The following C1orf185 variants were observed in gnomAD, a reference collection of about 807,000 sequenced individuals.
C1orf185 encodes uncharacterized protein C1orf185.
In C1orf185, 13 loss-of-function variants were observed where a neutral mutation model predicts 16.1. The ratio of observed to expected loss-of-function variants is 0.81; its 90% CI spans 0.53 to 1.28. The LOEUF (loss-of-function observed/expected upper bound fraction) is 1.28, where lower values mean the gene tolerates loss of function less well. C1orf185 is among the 50% of genes most tolerant of loss of function. The pLI, the probability that C1orf185 is intolerant of heterozygous loss-of-function variation, is 0.00. For synonymous variants in C1orf185, 80 were observed against 76.9 expected (o/e 1.04, Z -0.21); for missense variants, 220 against 225.2 (o/e 0.98, Z 0.15).
intron 2 of C1orf185, among the ~76,000 whole-genome samples, chr1:51,117,723 C>T (rs1029871652): frequency 5.3e-5 from 8 of 152,070 alleles, no homozygotes; most frequent in African/African-American, 1.9e-4. Context: ...GAAAAATATT[C>T]CATTGTTCTT....
intron 4 of C1orf185, among the ~76,000 whole-genome samples, chr1:51,146,539 G>A (rs958401299): frequency 4.0e-5 from 6 of 151,558 alleles, no homozygotes. Flanking sequence ...TATGTAAAAT[G>A]TTATAAAAGG....
At chr1:51,112,246 G>A (rs1393131813) in intron 1 of C1orf185, among the ~76,000 whole-genome samples, 1 of 152,084 alleles carries the variant, frequency 6.6e-6, no homozygotes, top group Admixed American at 6.5e-5. Context: ...TCAAAGAAAT[G>A]TGCCCTGGGC....
rs779711589 is a variant in C1orf185 at position 51,109,494 on chromosome 1, A to G, written c.17-2970A>G. Among the ~76,000 whole-genome samples the G allele has an allele frequency of 1.1e-4, 15 of 139,450 alleles. No homozygotes were observed. In the Admixed American group the frequency reaches 1.2e-3, roughly 11 times the overall value. 91.5% of individuals were successfully genotyped at this position (139,450 alleles called of 152,430 possible). A position where few individuals can be genotyped will look rare whatever the true frequency, so the allele number is the denominator to read the frequency against. ...ATTCATAAAATCTTTTCTCAAACCA[A>G]TGTCCTGAAGCATTTCCCCTATTTT... On this transcript the variant is annotated intron_variant, in intron 1 of 4. Coordinates refer to ENST00000371759, the MANE Select transcript of C1orf185 (RefSeq NM_001136508.2).
downstream of C1orf185, among the ~76,000 whole-genome samples, chr1:51,149,493 T>A (rs1646419964): frequency 6.6e-6 from 1 of 152,190 alleles, no homozygotes; most frequent in Non-Finnish European, 1.5e-5. Flanking sequence ...TAAGGAGCAG[T>A]AAAAACAAAA....
Position 51,147,702 on chromosome 1 carries a change from AG to A in C1orf185, c.532del (p.Val178TyrfsTer10). 10 of 1,551,442 alleles carry A rather than the reference AG, an allele frequency of 6.4e-6. No homozygotes were observed. The highest frequency in any genetic ancestry group is 8.7e-6 in the Non-Finnish European group (10 of 1,146,856). On this transcript the variant is annotated frameshift_variant, in exon 5 of 5. Coordinates refer to ENST00000371759, the MANE Select transcript of C1orf185 (RefSeq NM_001136508.2). LOFTEE classifies it high-confidence loss of function. Reference sequence around the variant, plus strand: ...CTCTCGGGGAACCTCTAATGGAAAAAGTATTTTCATACCTGTCAACCATTTC... The same window carrying A: ...CTCTCGGGGAACCTCTAATGGAAAAATATTTTCATACCTGTCAACCATTTC... ...PSLGEPLMEK[V>X]FSYLSTISLE... is the part of the protein sequence containing the mutation.
chr1:51,126,202 A>G (rs1332637537), intron 3 of C1orf185, among the ~76,000 whole-genome samples: 1 of 152,212 alleles, frequency 6.6e-6, no homozygotes, highest in Admixed American at 6.5e-5. Context: ...GTATTTTGTT[A>G]CAATTGCTAC....
chr1:51,128,315 A>G (rs1026312991), intron 3 of C1orf185, among the ~76,000 whole-genome samples: 2 of 152,208 alleles, frequency 1.3e-5, no homozygotes, highest in African/African-American at 2.4e-5. Context: ...TTTCACTCCC[A>G]CCAGCAATAA....
chr1:51,138,523 G>A (rs891558519), intron 3 of C1orf185, among the ~76,000 whole-genome samples: 6 of 151,906 alleles, frequency 3.9e-5, no homozygotes, highest in Non-Finnish European at 7.4e-5. Flanking sequence ...CTCCTGAGTA[G>A]CTGGGACTAC....
At chr1:51,151,932 A>G, downstream of C1orf185, among the ~76,000 whole-genome samples, 1 of 152,032 alleles carries the variant, frequency 6.6e-6, no homozygotes, top group South Asian at 2.1e-4. Context: ...CTCATGATCC[A>G]AACACCTCAG....
Position 51,145,741 on chromosome 1 carries a change from G to C in C1orf185, c.276G>C (p.Lys92Asn), listed in dbSNP as rs1281532452. Residue 92 changes from lysine to asparagine, a missense_variant, in exon 4 of 5, where the codon AAG becomes AAC. By Grantham distance (94) the Lys-to-Asn change is moderately conservative (BLOSUM62 0). Transcript: ENST00000371759. ...RFQLQEEQRKKEAAHIKAIKD... is the reference protein window; with the variant it reads ...RFQLQEEQRKNEAAHIKAIKD... ...TAATGTAGGAGGAGCAAAGAAAAAA[G>C]GAAGCAGCACATATAAAAGGTATTT... The C allele has an allele frequency of 1.1e-5, 14 of 1,312,442 alleles. No homozygotes were observed. Among genetic ancestry groups the C allele is most frequent in the Non-Finnish European group, 1.4e-5 (14 of 969,194 alleles). The allele number at this position is 1,312,442 out of a possible 1,614,324, so 81.3% of individuals were successfully genotyped here.
chr1:51,126,480 C>T lies in C1orf185; in HGVS notation c.258+7679C>T, dbSNP rs560480653. The stretch of plus-strand genomic sequence containing the variant: ...CTTGCTGTGTTGCCGAGGCTAATCT[C>T]GAACTCCTGGGCTCAAGTGAGCCTC... On this transcript the variant is annotated intron_variant, in intron 3 of 4. Transcript: ENST00000371759. Among the ~76,000 whole-genome samples, 15 of 152,142 alleles carry T rather than the reference C, an allele frequency of 9.9e-5. No individual in the cohort carries two copies. In the East Asian group the frequency reaches 2.9e-3, roughly 29 times the overall value.
At chr1:51,131,837 C>T (rs1646287962) in intron 3 of C1orf185, among the ~76,000 whole-genome samples, 1 of 152,160 alleles carries the variant, frequency 6.6e-6, no homozygotes, top group African/African-American at 2.4e-5. Flanking sequence ...CTACTAAATG[C>T]TTTGGCTGAC....
At position 51,123,094 on chromosome 1, in the gene C1orf185, G is replaced by C. The variant is rs146896740; in HGVS notation, c.258+4293G>C. 1.6e-3 allele frequency among the ~76,000 whole-genome samples: 240 copies of C among 150,668 alleles called. 8 individuals carry two copies. The East Asian group carries it at 0.04, about 25-fold the overall frequency. On this transcript the variant is annotated intron_variant, in intron 3 of 4. Transcript: ENST00000371759. ...CTGGTAGGATTTCTGCAAAGTCCTG[G>C]GGTGGCATAGGGCATCACATGGTGA...
At chr1:51,130,494 T>G (rs1646275313) in intron 3 of C1orf185, among the ~76,000 whole-genome samples, 1 of 152,112 alleles carries the variant, frequency 6.6e-6, no homozygotes, top group African/African-American at 2.4e-5. Context: ...GAAATGCAGT[T>G]TCTAAGCATC....
chr1:51,144,184 A>G (rs1473604575), intron 3 of C1orf185, among the ~76,000 whole-genome samples: 2 of 152,172 alleles, frequency 1.3e-5, no homozygotes, highest in Non-Finnish European at 2.9e-5. Flanking sequence ...AACATTACCT[A>G]GGCGAGCCTA....
Position 51,147,501 on chromosome 1 carries a change from T to G in C1orf185, c.330T>G (p.Leu110=). Residue 110 remains leucine, a synonymous_variant, in exon 5 of 5, where the codon CTT becomes CTG. Transcript: ENST00000371759. ...IKDHSKDEPQ[L]ATKNIICDPS... The stretch of plus-strand genomic sequence containing the variant: ...ATCATTCTAAAGATGAACCCCAACT[T>G]GCAACAAAAAATATCATTTGTGATC... The G allele has an allele frequency of 6.5e-7, 1 of 1,543,840 alleles. No homozygotes were observed. The highest frequency in any genetic ancestry group is 8.7e-7 in the Non-Finnish European group (1 of 1,144,336).
At chr1:51,111,578 G>A (rs1164720141) in intron 1 of C1orf185, among the ~76,000 whole-genome samples, 3 of 151,714 alleles carry the variant, frequency 2.0e-5, no homozygotes, top group Non-Finnish European at 4.4e-5. Flanking sequence ...CGAGTGCAGT[G>A]GTGCTATCTC....
At chr1:51,123,000 G>A (rs1200154919) in intron 3 of C1orf185, among the ~76,000 whole-genome samples, 1 of 152,176 alleles carries the variant, frequency 6.6e-6, no homozygotes, top group Non-Finnish European at 1.5e-5. Context: ...AAAACGAAAT[G>A]TATTTCTTAC....
At chr1:51,135,346 C>A (rs1291121503) in intron 3 of C1orf185, among the ~76,000 whole-genome samples, 1 of 152,292 alleles carries the variant, frequency 6.6e-6, no homozygotes, top group Non-Finnish European at 1.5e-5. Flanking sequence ...TCAAGACCAG[C>A]CTGACCAACA....
Sources: allele counts gnomAD v4.1 joint callset (sites outside exome capture counted in the v4.1 genomes callset), GRCh38; gene constraint gnomAD v4.1.1; transcripts MANE v1.5; gene names NCBI Gene and HGNC (gene_info 2026-07-23, HGNC 2026-07-21).